EIF4G2: variants seen among roughly 807,000 people sequenced by gnomAD.
EIF4G2 encodes the protein eukaryotic translation initiation factor 4 gamma 2.
In EIF4G2, 8 loss-of-function variants were observed where a neutral mutation model predicts 117.7. The observed-to-expected ratio is 0.07, with a 90% CI of 0.04 to 0.12. The LOEUF (loss-of-function observed/expected upper bound fraction) is 0.12, where lower values mean the gene tolerates loss of function less well. Among genes scored for constraint, EIF4G2 ranks in the 10% least tolerant of loss-of-function variants. The probability of loss-of-function intolerance (pLI) is 1.00; values close to 1 mark genes in which losing one functional copy is unlikely to be tolerated. For missense variants in EIF4G2, 812 were observed against 1,086.2 expected (o/e 0.75, Z 3.55); for synonymous variants, 413 against 367.8 (o/e 1.12, Z -1.41).
At position 10,802,354 on chromosome 11, in the gene EIF4G2, T is replaced by G. The variant is rs758224321; in HGVS notation, c.1078A>C (p.Arg360=). 2 of 1,614,052 alleles carry G rather than the reference T, an allele frequency of 1.2e-6. No homozygotes were observed. The highest frequency in any genetic ancestry group is 1.7e-6 in the Non-Finnish European group (2 of 1,179,984). ...AGTGGGTCCCTATCCATTTTCATCC[T>G]GGGTGGCATGAACGGTCCCTCCAGA... The change falls in exon 12 of 22, where the codon AGG becomes CGG. Residue 360 remains arginine (R), a synonymous_variant. Transcript: ENST00000339995.
At position 10,799,362 on chromosome 11, in the gene EIF4G2, G is replaced by A. The variant is rs771543029; in HGVS notation, c.2387C>T (p.Ala796Val). Residue 796 changes from alanine (A) to valine (V), a missense_variant, in exon 20 of 22, where the codon GCT becomes GTT. Ala to Val is a moderately conservative substitution (Grantham distance 64). Transcript: ENST00000339995. ...CTGCTCTAACTGTTCTTTGGAAGGA[G>A]CAGAGGATGAATCTGTTTCATCGCT... 3.0e-5 allele frequency: 49 copies of A among 1,613,192 alleles called. No homozygotes were observed. Among genetic ancestry groups the A allele is most frequent in the Non-Finnish European group, 3.9e-5 (46 of 1,180,030 alleles).
At position 10,802,054 on chromosome 11, in the gene EIF4G2, T is replaced by C. The variant is rs1182503273; in HGVS notation, c.1294A>G (p.Ser432Gly). The C allele has an allele frequency of 6.2e-7, 1 of 1,613,600 alleles. No homozygotes were observed. Among genetic ancestry groups the C allele is most frequent in the East Asian group, 2.2e-5 (1 of 44,886 alleles). ...CACACTCAAATATTACTTACCTGGC[T>C]TTTCATAAACTTGCCTCCCATCTCT... The change falls in exon 13 of 22, where the codon AGC becomes GGC. Residue 432 changes from serine (S) to glycine (G), a missense_variant. Around this residue, in one of 4 missense-constraint regions of EIF4G2, gnomAD observed 571 missense variants for 642.3 expected, o/e 0.89. Transcript: ENST00000339995.
At chr11:10,805,160 G>C (rs369751361) in intron 4 of EIF4G2, 145 bp from the exon 5 acceptor site, 5 of 666,640 alleles carry the variant, frequency 7.5e-6, no homozygotes, top group Non-Finnish European at 1.3e-5. Flanking sequence ...TAAAACCAAA[G>C]GGATGCTGAA....
Position 10,808,569 on chromosome 11 carries a change from C to G in EIF4G2, c.-87+136G>C, listed in dbSNP as rs1282006215. The stretch of plus-strand genomic sequence containing the variant: ...CAAGACTTTCCAGGTATCTGAAGCG[C>G]AGAGGAAATGCTAAAAAAGGGTCGC... On this transcript the variant is annotated intron_variant, in intron 1 of 21. Transcript: ENST00000339995. 4 of 998,358 alleles carry G rather than the reference C, an allele frequency of 4.0e-6. No homozygotes were observed. The East Asian group carries it at 4.5e-4, about 112-fold the overall frequency. The allele number at this position is 998,358 out of a possible 1,614,324, so 61.8% of individuals were successfully genotyped here. A position where few individuals can be genotyped will look rare whatever the true frequency, so the allele number is the denominator to read the frequency against.
intron 1 of EIF4G2, chr11:10,808,355 C>A: frequency 8.3e-7 from 1 of 1,206,342 alleles, no homozygotes; most frequent in Non-Finnish European, 1.1e-6. Flanking sequence ...CCCTGCCGGC[C>A]CGCGTGCCTC....
chr11:10,800,999 G>A lies in EIF4G2; in HGVS notation c.1502C>T (p.Ala501Val). 1 of 1,614,180 alleles carries A rather than the reference G, an allele frequency of 6.2e-7. No homozygotes were observed. Among genetic ancestry groups the A allele is most frequent in the Non-Finnish European group, 8.5e-7 (1 of 1,180,006 alleles). Reference sequence around the variant, plus strand: ...TGGTGTTTGAGTGCGTGGTGGTTGTGCACTAGGAGGAATCATAGTTATCTG... The same window carrying A: ...TGGTGTTTGAGTGCGTGGTGGTTGTACACTAGGAGGAATCATAGTTATCTG... Residue 501 changes from alanine (A) to valine (V), a missense_variant, in exon 15 of 22, where the codon GCA becomes GTA. Around this residue, in one of 4 missense-constraint regions of EIF4G2, gnomAD observed 571 missense variants for 642.3 expected, o/e 0.89. Coordinates refer to ENST00000339995, the MANE Select transcript of EIF4G2 (RefSeq NM_001418.4).
rs1372137204 is a variant in EIF4G2, at chr11:10,803,471, C to A, written c.813+9G>T. On this transcript the variant is annotated intron_variant, in intron 9 of 21. Coordinates refer to ENST00000339995, the MANE Select transcript of EIF4G2 (RefSeq NM_001418.4). The surrounding 1 kb of genome is among the most constrained non-coding windows in gnomAD (Gnocchi z 4.0). ...CTACTTGTACTACTTTCATCAGCTA[C>A]ACACGTACCTTGGCTCGTTCATGGT... The A allele has an allele frequency of 1.9e-6, 3 of 1,611,096 alleles. No individual in the cohort carries two copies. The highest frequency in any genetic ancestry group is 2.5e-6 in the Non-Finnish European group (3 of 1,177,312).
Position 10,797,987 on chromosome 11 carries a change from TC to T in EIF4G2, c.2659-107del, listed in dbSNP as rs892360777. ...AGTTTTAGAATATGAAACAAGGATA[TC>T]CCTACCAACAATTTGTATATTAAGT... is the stretch of plus-strand genomic sequence containing the variant. On this transcript the variant is annotated intron_variant, in intron 21 of 21. Coordinates refer to ENST00000339995, the MANE Select transcript of EIF4G2 (RefSeq NM_001418.4). This position sits in a 1 kb window ranked among gnomAD's most constrained non-coding sequence, Gnocchi z 4.5. The T allele has an allele frequency of 9.4e-5, 92 of 978,426 alleles. 4 individuals carry two copies. The highest frequency in any genetic ancestry group is 6.3e-6 in the Non-Finnish European group (4 of 634,462). 60.6% of individuals were successfully genotyped at this position (978,426 alleles called of 1,614,324 possible). A position where few individuals can be genotyped will look rare whatever the true frequency, so the allele number is the denominator to read the frequency against.
intron 13 of EIF4G2, 91 bp from the exon 14 acceptor site, chr11:10,801,865 G>A (rs534044347): frequency 2.4e-6 from 3 of 1,271,868 alleles, no homozygotes; most frequent in East Asian, 2.3e-5. Flanking sequence ...AAGCCATAAA[G>A]TTAGTTTAAC....
In EIF4G2 at chr11:10,803,563, G is replaced by A. The variant is rs771925683; in HGVS notation, c.730C>T (p.Leu244Phe). The change falls in exon 9 of 22, where the codon CTC becomes TTC. Residue 244 changes from leucine (L) to phenylalanine (F), a missense_variant. Coordinates refer to ENST00000339995, the MANE Select transcript of EIF4G2 (RefSeq NM_001418.4). This position sits in a 1 kb window ranked among gnomAD's most constrained non-coding sequence, Gnocchi z 4.0. The stretch of plus-strand genomic sequence containing the variant: ...TCCAAATCCTCTCCCATATCTTTGA[G>A]TTGGACTCTCTTCTTCTTTTCCAAA... 4 of 1,613,814 alleles carry A rather than the reference G, an allele frequency of 2.5e-6. No homozygotes were observed. The highest frequency in any genetic ancestry group is 3.3e-5 in the Admixed American group (2 of 60,004).
rs539169482 is a variant in EIF4G2, at chr11:10,797,933, C to A, written c.2659-52G>T. ...ATAGTTCATGATATAAACAGAAATC[C>A]ATCCAAAAAGTTTTAGGTGGTACTA... On this transcript the variant is annotated intron_variant, in intron 21 of 21. Coordinates refer to ENST00000339995, the MANE Select transcript of EIF4G2 (RefSeq NM_001418.4). This position sits in a 1 kb window ranked among gnomAD's most constrained non-coding sequence, Gnocchi z 4.5. 6.3e-7 allele frequency: 1 copy of A among 1,582,638 alleles called. No homozygotes were observed. Among genetic ancestry groups the A allele is most frequent in the Non-Finnish European group, 8.6e-7 (1 of 1,157,616 alleles).
chr11:10,807,069 C>T, intron 2 of EIF4G2, 184 bp from the exon 3 acceptor site: 1 of 1,165,970 alleles, frequency 8.6e-7, no homozygotes, highest in Non-Finnish European at 1.2e-6. Context: ...AACTCGGACC[C>T]AAAGGAAAGG....
rs79901244 is a variant in EIF4G2, at chr11:10,802,566, T to C, written c.997-131A>G. The C allele has an allele frequency of 0.024, 30,623 of 1,277,262 alleles. 5,216 individuals carry two copies. The African/African-American group carries it at 0.39, about 16-fold the overall frequency. 79.1% of individuals were successfully genotyped at this position (1,277,262 alleles called of 1,614,324 possible). A position where few individuals can be genotyped will look rare whatever the true frequency, so the allele number is the denominator to read the frequency against. On this transcript the variant is annotated intron_variant, in intron 11 of 21. Coordinates refer to ENST00000339995, the MANE Select transcript of EIF4G2 (RefSeq NM_001418.4). ...TTATGTTATTTCTGTAAATAACTTC[T>C]TCCAAAAATGGCAGACAAGGCTGGG...
intron 4 of EIF4G2, 55 bp downstream of exon 4, chr11:10,805,852 A>C (rs1295869998): frequency 2.5e-6 from 4 of 1,611,974 alleles, no homozygotes; most frequent in Non-Finnish European, 2.5e-6. Context: ...CACACACACC[A>C]AACACAGCTA....
chr11:10,806,403 T>C (rs10840493), intron 3 of EIF4G2: 201,771 of 319,870 alleles, frequency 0.63, 64,489 homozygotes, highest in South Asian at 0.71. Context: ...TCTCAAACTC[T>C]TGGGTTCAAG....
Position 10,808,287 on chromosome 11 carries a change from G to A in EIF4G2, c.-87+418C>T, listed in dbSNP as rs112385397. ...CCAGGTCCTACACACCTCCCCGCCG[G>A]GAGGCCAGGCTCCGGGACGCCTGCG... is the stretch of plus-strand genomic sequence containing the variant. On this transcript the variant is annotated intron_variant, in intron 1 of 21. Transcript: ENST00000339995. The A allele has an allele frequency of 0.018, 22,066 of 1,216,886 alleles. 2,920 individuals are homozygous for A. The African/African-American group carries it at 0.3, about 17-fold the overall frequency. 75.4% of individuals were successfully genotyped at this position (1,216,886 alleles called of 1,614,324 possible).
chr11:10,799,866 G>T, intron 18 of EIF4G2, 110 bp from the exon 19 acceptor site: 2 of 1,332,816 alleles, frequency 1.5e-6, no homozygotes, highest in Non-Finnish European at 2.0e-6. Flanking sequence ...GATCCATGTA[G>T]CAGAATAGAG....
Position 10,801,706 on chromosome 11 carries a change from A to G in EIF4G2, c.1368T>C (p.Asp456=). 2 of 1,614,184 alleles carry G rather than the reference A, an allele frequency of 1.2e-6. No individual in the cohort carries two copies. The highest frequency in any genetic ancestry group is 2.2e-5 in the East Asian group (1 of 44,874). The change falls in exon 14 of 22, where the codon GAT becomes GAC. Residue 456 remains aspartate, a synonymous_variant. Coordinates refer to ENST00000339995, the MANE Select transcript of EIF4G2 (RefSeq NM_001418.4). ...CTTTCTTAGAAAACCGAGGTGGCAT[A>G]TCCTTCGACTGTCCTTGCAGCTGGG...
intron 2 of EIF4G2, 152 bp from the exon 3 acceptor site, chr11:10,807,037 A>G (rs551551387): frequency 2.7e-6 from 3 of 1,112,146 alleles, no homozygotes; most frequent in South Asian, 1.5e-5. Flanking sequence ...GTGCTTGTAT[A>G]TTATGCTACA....
Sources: allele counts gnomAD v4.1 joint callset, GRCh38; gene constraint gnomAD v4.1.1; regional missense constraint gnomAD v4.1.1; non-coding constraint Gnocchi (gnomAD v3.1); transcripts MANE v1.5; gene names NCBI Gene and HGNC (gene_info 2026-07-23, HGNC 2026-07-21).